INVS: variants seen among roughly 807,000 people sequenced by gnomAD.
INVS encodes inversion of embryo turning homolog.
INVS carries 86 observed loss-of-function variants against 108.8 expected under a neutral mutation model. That is an observed-to-expected ratio of 0.79 (90% CI 0.66 to 0.95). INVS has a LOEUF of 0.95. INVS is among the 40% of genes least tolerant of loss of function. The pLI is 0.00. For synonymous variants in INVS, 455 were observed against 473.5 expected (o/e 0.96, Z 0.51); for missense variants, 1,169 against 1,297.4 (o/e 0.90, Z 1.52).
intron 10 of INVS, among the ~76,000 whole-genome samples, chr9:100,260,735 G>A (rs1362355681): frequency 6.6e-6 from 1 of 152,032 alleles, no homozygotes; most frequent in African/African-American, 2.4e-5. Context: ...CAACAGTGGG[G>A]GAAGCTTGGG....
chr9:100,213,813 TAGTA>T (rs1374795743), intron 3 of INVS, among the ~76,000 whole-genome samples: 1 of 152,166 alleles, frequency 6.6e-6, no homozygotes, highest in East Asian at 1.9e-4. Flanking sequence ...AGTAAGCACT[TAGTA>T]AGCCCAGAGG....
At chr9:100,139,703 T>G (rs1828358846) in intron 3 of INVS, among the ~76,000 whole-genome samples, 2 of 152,176 alleles carry the variant, frequency 1.3e-5, no homozygotes, top group African/African-American at 2.4e-5. Context: ...AGTGCAGTGG[T>G]GTGATCAGGG....
At chr9:100,251,970 AAAAAGAGAAAACTAATAGCTG>A (rs1375511877) in intron 8 of INVS, among the ~76,000 whole-genome samples, 2 of 152,218 alleles carry the variant, frequency 1.3e-5, no homozygotes, top group African/African-American at 4.8e-5. Flanking sequence ...TCTTAAAGAG[AAAAAGAGAAAACTAATAGCTG>A]AAAAGAGAAA....
chr9:100,162,334 A>G (rs1829217303), intron 3 of INVS, among the ~76,000 whole-genome samples: 1 of 152,222 alleles, frequency 6.6e-6, no homozygotes, highest in Non-Finnish European at 1.5e-5. Flanking sequence ...GCAGTCTTAC[A>G]TAACAAGAGG....
At chr9:100,112,508 T>G (rs1827370757) in intron 2 of INVS, among the ~76,000 whole-genome samples, 1 of 152,050 alleles carries the variant, frequency 6.6e-6, no homozygotes, top group Admixed American at 6.6e-5. Flanking sequence ...TGAAGGTGAG[T>G]TGCCTATTAA....
At chr9:100,160,342 C>A (rs551289805) in intron 3 of INVS, among the ~76,000 whole-genome samples, 2 of 152,296 alleles carry the variant, frequency 1.3e-5, no homozygotes, top group East Asian at 1.9e-4. Context: ...AGGTAGCCCT[C>A]AGGGTTCAAA....
chr9:100,139,656 G>A (rs1204930598), intron 3 of INVS, among the ~76,000 whole-genome samples: 4 of 151,444 alleles, frequency 2.6e-5, no homozygotes, highest in South Asian at 2.1e-4. Context: ...CTTTTTTTGT[G>A]GGGGGAGATA....
At chr9:100,162,924 T>C (rs1829235555) in intron 3 of INVS, among the ~76,000 whole-genome samples, 1 of 152,148 alleles carries the variant, frequency 6.6e-6, no homozygotes, top group Non-Finnish European at 1.5e-5. Flanking sequence ...CAGGGTTCTG[T>C]TGGCCTAAAA....
chr9:100,142,205 G>A (rs1228156145), intron 3 of INVS, among the ~76,000 whole-genome samples: 4 of 152,172 alleles, frequency 2.6e-5, no homozygotes, highest in African/African-American at 9.7e-5. Context: ...CCCTTGTTTA[G>A]TGAGGAAACT....
intron 2 of INVS, 80 bp downstream of exon 2, chr9:100,104,707 G>T: frequency 4.6e-6 from 4 of 870,756 alleles, no homozygotes; most frequent in Non-Finnish European, 7.8e-6. Flanking sequence ...GTTTTAATTT[G>T]CAATGTACTC....
intron 2 of INVS, among the ~76,000 whole-genome samples, chr9:100,123,266 C>T (rs1262232460): frequency 6.6e-6 from 1 of 152,004 alleles, no homozygotes; most frequent in East Asian, 1.9e-4. Context: ...AAATTTGTGC[C>T]CAACCCCCAG....
intron 3 of INVS, among the ~76,000 whole-genome samples, chr9:100,178,657 A>G (rs915006582): frequency 6.6e-6 from 1 of 152,244 alleles, no homozygotes; most frequent in Non-Finnish European, 1.5e-5. Context: ...GACCAAATCT[A>G]TGTTTGATTG....
At chr9:100,283,987 A>G (rs1370346521) in intron 12 of INVS, among the ~76,000 whole-genome samples, 2 of 152,174 alleles carry the variant, frequency 1.3e-5, no homozygotes, top group African/African-American at 4.8e-5. Flanking sequence ...AGTTACAGGT[A>G]GCTCCAGGGA....
chr9:100,272,120 G>A (rs961139780), intron 11 of INVS, among the ~76,000 whole-genome samples: 3 of 151,602 alleles, frequency 2.0e-5, no homozygotes, highest in Admixed American at 6.6e-5. Flanking sequence ...TGCCCACCTC[G>A]GCCTCCCAAA....
intron 2 of INVS, among the ~76,000 whole-genome samples, chr9:100,124,614 T>G (rs1426869840): frequency 6.6e-6 from 1 of 152,102 alleles, no homozygotes; most frequent in Non-Finnish European, 1.5e-5. Flanking sequence ...TACATTCTGC[T>G]TCTCTTTTTT....
rs10989016 is a variant in INVS, at chr9:100,207,577, C to A, written c.274-18485C>A. ...CAAAGTGCTGGGATTATAGGTGTGA[C>A]CCACTGTGCACAGCTGCACAAGTTA... On this transcript the variant is annotated intron_variant, in intron 3 of 16. Transcript: ENST00000262457. 1.4e-4 allele frequency among the ~76,000 whole-genome samples: 22 copies of A among 152,048 alleles called. No individual in the cohort carries two copies. The South Asian group carries it at 4.6e-3, about 32-fold the overall frequency.
At chr9:100,141,646 G>A (rs781177563) in intron 3 of INVS, among the ~76,000 whole-genome samples, 1 of 152,148 alleles carries the variant, frequency 6.6e-6, no homozygotes, top group Non-Finnish European at 1.5e-5. Context: ...CTCGGGGCAC[G>A]TGAGTAAAGT....
chr9:100,217,150 A>G (rs1831014612), intron 3 of INVS, among the ~76,000 whole-genome samples: 1 of 152,062 alleles, frequency 6.6e-6, no homozygotes, highest in Admixed American at 6.5e-5. Flanking sequence ...CTCTACCAAA[A>G]ATATAAAAAT....
At chr9:100,164,934 G>C (rs1442033221) in intron 3 of INVS, among the ~76,000 whole-genome samples, 1 of 145,174 alleles carries the variant, frequency 6.9e-6, no homozygotes, top group Non-Finnish European at 1.5e-5. Context: ...GGCTATTGTG[G>C]CTTAACCCCT....
Sources: gnomAD v4.1 joint callset for allele counts (sites outside exome capture counted in the v4.1 genomes callset) on GRCh38, gnomAD v4.1.1 for gene constraint, MANE v1.5 for transcripts, NCBI Gene and HGNC (gene_info 2026-07-23, HGNC 2026-07-21) for gene names.